Variants in TOR1AIP1 observed in about 807,000 individuals in gnomAD.
TOR1AIP1 encodes torsin 1A interacting protein 1.
Under a neutral mutation model 63.3 loss-of-function variants are expected in TOR1AIP1, and 54 were observed. The observed-to-expected ratio is 0.85, with a 90% CI of 0.69 to 1.07. TOR1AIP1 has a LOEUF of 1.07. Among genes scored for constraint, TOR1AIP1 ranks in the 50% least tolerant of loss-of-function variants. The probability of loss-of-function intolerance (pLI) is 0.00; values close to 1 mark genes in which losing one functional copy is unlikely to be tolerated. For missense variants in TOR1AIP1, 736 were observed against 715.0 expected (o/e 1.03, Z -0.33); for synonymous variants, 294 against 273.5 (o/e 1.07, Z -0.74).
chr1:179,882,853 G>C lies in TOR1AIP1; in HGVS notation c.351G>C (p.Gln117His), dbSNP rs762074035. 1 of 1,614,106 alleles carries C rather than the reference G, an allele frequency of 6.2e-7. No individual in the cohort carries two copies. Among genetic ancestry groups the C allele is most frequent in the African/African-American group, 1.3e-5 (1 of 74,938 alleles). Residue 117 changes from glutamine (Q) to histidine (H), a missense_variant, in exon 1 of 10, where the codon CAG becomes CAC. This residue lies in a region of TOR1AIP1 where 464 missense variants were observed against 371.0 expected (regional missense o/e 1.25). Coordinates refer to ENST00000606911, the MANE Select transcript of TOR1AIP1 (RefSeq NM_015602.4). The part of the protein sequence containing the change: ...RSRQRRQPRP[Q>H]ETEEMKTRRT... The stretch of plus-strand genomic sequence containing the variant: ...GGCAGCGGAGGCAGCCGCGACCCCA[G>C]GAAACCGAGGAAATGAAGACGCGAA...
chr1:179,907,887 T>C, intron 7 of TOR1AIP1, 23 bp downstream of exon 7: 1 of 1,469,726 alleles, frequency 6.8e-7, no homozygotes, highest in Non-Finnish European at 9.3e-7. Flanking sequence ...TTGTCTGCTC[T>C]TTTTTCAGCC....
At chr1:179,907,895 G>A (rs1314148389) in intron 7 of TOR1AIP1, 31 bp downstream of exon 7, 2 of 1,198,774 alleles carry the variant, frequency 1.7e-6, no homozygotes, top group Non-Finnish European at 2.4e-6. Flanking sequence ...TCTTTTTTCA[G>A]CCAATCAATT....
chr1:179,887,795 C>T (rs183501349), intron 2 of TOR1AIP1: 1 of 152,268 alleles, frequency 6.6e-6, no homozygotes, highest in East Asian at 1.9e-4. Flanking sequence ...TTCTTAAATG[C>T]TTACTATTTT....
At chr1:179,909,195 A>T (rs1215754111) in intron 8 of TOR1AIP1, among the ~76,000 whole-genome samples, 1 of 152,068 alleles carries the variant, frequency 6.6e-6, no homozygotes, top group Non-Finnish European at 1.5e-5. Flanking sequence ...CCAGAGATTG[A>T]TGGATTTTAA....
chr1:179,910,207 A>T (rs771469831), intron 8 of TOR1AIP1, among the ~76,000 whole-genome samples: 3 of 152,178 alleles, frequency 2.0e-5, no homozygotes, highest in Admixed American at 6.5e-5. Flanking sequence ...ATATTTTTTT[A>T]AAGTCCATGC....
At position 179,914,058 on chromosome 1, in the gene TOR1AIP1, A is replaced by T. The variant is rs1472393986; in HGVS notation, c.964+4A>T. 18 of 1,612,460 alleles carry T rather than the reference A, an allele frequency of 1.1e-5. No individual in the cohort carries two copies. The highest frequency in any genetic ancestry group is 1.4e-5 in the Non-Finnish European group (17 of 1,179,190). ...TCACCATCAACCTCCAGCCGACGTA[A>T]GTTTATGTATTCAGTTTTTATTAAA... On this transcript the variant is annotated splice_donor_region_variant and intron_variant, in intron 9 of 9. Coordinates refer to ENST00000606911, the MANE Select transcript of TOR1AIP1 (RefSeq NM_015602.4).
rs780988817 is a variant in TOR1AIP1, at chr1:179,918,156, C to T, written c.1669C>T (p.Leu557=). Residue 557 remains leucine, a synonymous_variant, in exon 10 of 10, where the codon CTG becomes TTG. Transcript: ENST00000606911. ...NSYNHMDPDK[L]NGLWSRISHL... ...CTACAATCATATGGACCCAGACAAA[C>T]TGAATGGCCTCTGGAGCCGTATTTC... The T allele has an allele frequency of 1.2e-6, 2 of 1,613,356 alleles. No homozygotes were observed. The highest frequency in any genetic ancestry group is 2.2e-5 in the East Asian group (1 of 44,888).
At chr1:179,900,208 CTT>C (rs761178376) in intron 4 of TOR1AIP1, 41 bp downstream of exon 4, 1 of 1,388,810 alleles carries the variant, frequency 7.2e-7, no homozygotes, top group Admixed American at 1.8e-5. Context: ...TACTTTAAGT[CTT>C]TTTCTTTACA....
intron 6 of TOR1AIP1, among the ~76,000 whole-genome samples, chr1:179,906,992 C>T (rs1052293121): frequency 6.6e-6 from 1 of 151,720 alleles, no homozygotes; most frequent in Non-Finnish European, 1.5e-5. Context: ...CTGCCTTGGC[C>T]TCCCAAAGTG....
rs149805773 is a variant in TOR1AIP1, at chr1:179,902,785, A to G, written c.740-1181A>G. On this transcript the variant is annotated intron_variant, in intron 5 of 9. Coordinates refer to ENST00000606911, the MANE Select transcript of TOR1AIP1 (RefSeq NM_015602.4). ...TTGTGGGGGTTAAATTAATTCATAT[A>G]TGCAAAGCACTTACCTGGCACATAG... 4.0e-3 allele frequency among the ~76,000 whole-genome samples: 616 copies of G among 152,274 alleles called. 5 individuals are homozygous for G. Among genetic ancestry groups the G allele is most frequent in the African/African-American group, 0.014 (586 of 41,542 alleles).
chr1:179,890,012 A>C (rs534297316), intron 3 of TOR1AIP1, among the ~76,000 whole-genome samples: 2 of 152,178 alleles, frequency 1.3e-5, no homozygotes, highest in South Asian at 2.1e-4. Flanking sequence ...TTCTATATTC[A>C]TATATAAAAA....
chr1:179,893,301 A>T (rs1207765131), intron 3 of TOR1AIP1, among the ~76,000 whole-genome samples: 2 of 152,148 alleles, frequency 1.3e-5, no homozygotes, highest in East Asian at 3.8e-4. Context: ...ATTCCTTTAT[A>T]GTAATGTTAG....
rs571775093 is a variant in TOR1AIP1, at chr1:179,890,009, T to A, written c.610+640T>A. Among the ~76,000 whole-genome samples, 7 of 152,342 alleles carry A rather than the reference T, an allele frequency of 4.6e-5. No individual in the cohort carries two copies. The South Asian group carries it at 1.2e-3, about 27-fold the overall frequency. On this transcript the variant is annotated intron_variant, in intron 3 of 9. Transcript: ENST00000606911. Reference sequence around the variant, plus strand: ...ACATATATACAGAGATATTTCTATATTCATATATAAAAAGCTTCCTTTTTT... The same window carrying A: ...ACATATATACAGAGATATTTCTATAATCATATATAAAAAGCTTCCTTTTTT...
rs1344130187 is a variant in TOR1AIP1 at position 179,918,003 on chromosome 1, G to C, written c.1516G>C (p.Val506Leu). The C allele has an allele frequency of 6.2e-7, 1 of 1,614,116 alleles. No homozygotes were observed. Among genetic ancestry groups the C allele is most frequent in the African/African-American group, 1.3e-5 (1 of 74,938 alleles). The change falls in exon 10 of 10, where the codon GTA becomes CTA. Residue 506 changes from valine to leucine, a missense_variant. This residue lies in a region of TOR1AIP1 where 272 missense variants were observed against 344.1 expected (regional missense o/e 0.79). Transcript: ENST00000606911. Reference sequence around the variant, plus strand: ...CCATGAAAACGCGGCCTTCAAAGATGTAGCCTTAGTCCTGACTGTCTTATT... The same window carrying C: ...CCATGAAAACGCGGCCTTCAAAGATCTAGCCTTAGTCCTGACTGTCTTATT... ...CDHENAAFKD[V>L]ALVLTVLLEE...
At chr1:179,883,164 C>T (rs1044402985) in intron 1 of TOR1AIP1, 187 bp downstream of exon 1, 2 of 630,594 alleles carry the variant, frequency 3.2e-6, no homozygotes, top group Non-Finnish European at 2.7e-6. Flanking sequence ...GGGAAGGAAG[C>T]GCCGACCGGA....
At chr1:179,915,912 A>C (rs1348616549) in intron 9 of TOR1AIP1, among the ~76,000 whole-genome samples, 1 of 152,222 alleles carries the variant, frequency 6.6e-6, no homozygotes, top group Non-Finnish European at 1.5e-5. Context: ...TTTCAAGTAA[A>C]AAATAGTATT....
chr1:179,889,791 A>G lies in TOR1AIP1; in HGVS notation c.610+422A>G, dbSNP rs375157464. On this transcript the variant is annotated intron_variant, in intron 3 of 9. Transcript: ENST00000606911. ...TGCCTTAGCCTGCCAAGTAGCTGAG[A>G]CTATGCATCCACCACCACGCCTGGC... Among the ~76,000 whole-genome samples, 9 of 151,980 alleles carry G rather than the reference A, an allele frequency of 5.9e-5. No homozygotes were observed. The East Asian group carries it at 9.7e-4, about 16-fold the overall frequency.
chr1:179,918,179 T>A lies in TOR1AIP1; in HGVS notation c.1692T>A (p.Ile564=). 1 of 1,611,862 alleles carries A rather than the reference T, an allele frequency of 6.2e-7. No homozygotes were observed. The highest frequency in any genetic ancestry group is 1.1e-5 in the South Asian group (1 of 91,076). Residue 564 remains isoleucine, a synonymous_variant, in exon 10 of 10, where the codon ATT becomes ATA. Transcript: ENST00000606911. ...AACTGAATGGCCTCTGGAGCCGTATTTCTCACTTAGTTCTGCCTGTGCAAC... is the reference window on the plus strand; with the variant it reads ...AACTGAATGGCCTCTGGAGCCGTATATCTCACTTAGTTCTGCCTGTGCAAC... ...PDKLNGLWSR[I]SHLVLPVQPE...
rs530854 is a variant in TOR1AIP1 at position 179,918,546 on chromosome 1, G to A, written c.*307G>A. The A allele has an allele frequency of 4.4e-6, 1 of 226,236 alleles. No individual in the cohort carries two copies. The highest frequency in any genetic ancestry group is 8.6e-6 in the Non-Finnish European group (1 of 116,040). 14.0% of individuals were successfully genotyped at this position (226,236 alleles called of 1,614,324 possible). A position where few individuals can be genotyped will look rare whatever the true frequency, so the allele number is the denominator to read the frequency against. On this transcript the variant is annotated 3_prime_UTR_variant, in exon 10 of 10. Coordinates refer to ENST00000606911, the MANE Select transcript of TOR1AIP1 (RefSeq NM_015602.4). ...ACAGTTATGGTATGACCAGTGAGAG[G>A]GATTTGTGTCCTTTCTTATGAACCT...
Sources: allele counts gnomAD v4.1 joint callset (sites outside exome capture counted in the v4.1 genomes callset), GRCh38; gene constraint gnomAD v4.1.1; regional missense constraint gnomAD v4.1.1; transcripts MANE v1.5; gene names NCBI Gene and HGNC (gene_info 2026-07-23, HGNC 2026-07-21).